The following FAM47C variants were observed in gnomAD, a reference collection of about 807,000 sequenced individuals.
FAM47C encodes the protein putative protein FAM47C.
For missense variants in FAM47C, 847 were observed against 879.9 expected, an observed-to-expected ratio of 0.96 and a Z score of 0.47; for synonymous variants, 307 against 346.5, an observed-to-expected ratio of 0.89 and a Z score of 1.27.
Position 37,008,855 on chromosome X carries a change from G to T in FAM47C, c.445G>T (p.Val149Leu). 8.3e-7 allele frequency: 1 copy of T among 1,212,004 alleles called. No individual in the cohort carries two copies. Among genetic ancestry groups the T allele is most frequent in the Non-Finnish European group, 1.1e-6 (1 of 895,577 alleles). Residue 149 changes from valine (V) to leucine (L), a missense_variant, in exon 1 of 1, where the codon GTA (valine) becomes TTA (leucine). Val to Leu is a conservative substitution (Grantham distance 32, BLOSUM62 1). Transcript: ENST00000358047. The part of the protein sequence containing the change: ...EDMPPDLLLQ[V>L]LKPLDPERKL... ...TATGCCTCCAGATCTCCTACTACAG[G>T]TACTGAAACCGCTGGACCCTGAGAG...
In FAM47C at chrX:37,010,232, C is replaced by T. The variant is rs1556332809; in HGVS notation, c.1822C>T (p.Pro608Ser). 4 of 1,173,773 alleles carry T rather than the reference C, an allele frequency of 3.4e-6. No individual in the cohort carries two copies. The highest frequency in any genetic ancestry group is 3.6e-5 in the South Asian group (2 of 55,239). ...CGAGACTGGAGTGTCCCATCTCTGC[C>T]CGGAGCCTCCAGAGACTCGCGTATC... Reference protein sequence around the residue: ...PPETGVSHLCPEPPETRVSHL... With the variant: ...PPETGVSHLCSEPPETRVSHL... The change falls in exon 1 of 1, where the codon CCG (proline) becomes TCG (serine). Residue 608 changes from proline to serine, a missense_variant. By Grantham distance (74) the Pro-to-Ser change is moderately conservative (BLOSUM62 -1). Transcript: ENST00000358047.
Position 37,009,215 on chromosome X carries a change from C to T in FAM47C, c.805C>T (p.His269Tyr), listed in dbSNP as rs782073736. 6.6e-6 allele frequency: 8 copies of T among 1,207,283 alleles called. No homozygotes were observed. In the African/African-American group the frequency reaches 1.2e-4, roughly 19 times the overall value. The change falls in exon 1 of 1, where the codon CAT (histidine) becomes TAT (tyrosine). Residue 269 changes from histidine (H) to tyrosine (Y), a missense_variant. By Grantham distance (83) the His-to-Tyr change is moderately conservative. Transcript: ENST00000358047. ...HLEPPETGVS[H>Y]LYLEPPGTGV... ...GGAGCCTCCCGAGACTGGAGTGTCC[C>T]ATCTCTACCTGGAGCCTCCTGGGAC...
rs201525254 is a variant in FAM47C at position 37,009,930 on chromosome X, T to C, written c.1520T>C (p.Val507Ala). The C allele has an allele frequency of 1.3e-5, 15 of 1,195,299 alleles. No homozygotes were observed. Among genetic ancestry groups the C allele is most frequent in the Admixed American group, 2.3e-5 (1 of 44,431 alleles). The change falls in exon 1 of 1, where the codon GTA becomes GCA. Residue 507 changes from valine to alanine, a missense_variant. Physicochemically the swap from Val to Ala is moderately conservative, Grantham distance 64. Transcript: ENST00000358047. The stretch of plus-strand genomic sequence containing the variant: ...TGCCCAGAGCCCCCCAAGACACGCG[T>C]ATCTCATCTCCGCCCAGAGCCTTCT... ...HLCPEPPKTR[V>A]SHLRPEPSET... is the part of the protein sequence containing the mutation.
At position 37,009,038 on chromosome X, in the gene FAM47C, C is replaced by G. The variant is rs1298765110; in HGVS notation, c.628C>G (p.Leu210Val). The part of the protein sequence containing the change: ...PEPPKTPVSS[L>V]RPEPPETGVS... ...GCCTCCCAAGACTCCGGTGTCCAGT[C>G]TCCGCCCGGAGCCTCCAGAGACTGG... The change falls in exon 1 of 1, where the codon CTC (leucine) becomes GTC (valine). Residue 210 changes from leucine to valine, a missense_variant. By Grantham distance (32) the Leu-to-Val change is conservative. Coordinates refer to ENST00000358047, the MANE Select transcript of FAM47C (RefSeq NM_001013736.3). 1.7e-6 allele frequency: 2 copies of G among 1,211,502 alleles called. No homozygotes were observed. Among genetic ancestry groups the G allele is most frequent in the Non-Finnish European group, 1.1e-6 (1 of 895,326 alleles).
Position 37,011,459 on chromosome X carries a change from C to G in FAM47C, c.3049C>G (p.Arg1017Gly). 8.3e-7 allele frequency: 1 copy of G among 1,207,953 alleles called. No homozygotes were observed. The highest frequency in any genetic ancestry group is 1.1e-6 in the Non-Finnish European group (1 of 894,001). ...TYDSVKTPIQ[R>G]AMQVYKYKED... Reference sequence around the variant, plus strand: ...TGACTCTGTTAAGACTCCTATTCAACGTGCAATGCAAGTTTACAAGTACAA... The same window carrying G: ...TGACTCTGTTAAGACTCCTATTCAAGGTGCAATGCAAGTTTACAAGTACAA... The change falls in exon 1 of 1, where the codon CGT becomes GGT. Residue 1017 changes from arginine to glycine, a missense_variant. Coordinates refer to ENST00000358047, the MANE Select transcript of FAM47C (RefSeq NM_001013736.3).
Position 37,009,170 on chromosome X carries a change from C to T in FAM47C, c.760C>T (p.Gln254Ter). 7.4e-6 allele frequency: 9 copies of T among 1,208,635 alleles called. No homozygotes were observed. Among genetic ancestry groups the T allele is most frequent in the Non-Finnish European group, 1.0e-5 (9 of 894,398 alleles). The change falls in exon 1 of 1, where the codon CAG becomes TAG. Residue 254 changes from glutamine (Q) to a stop codon, truncating the protein, a stop_gained. Transcript: ENST00000358047. LOFTEE classifies it low-confidence loss of function (END_TRUNC). Reference sequence around the variant, plus strand: ...TCTCCGCCCAGAGCCTCCCAAGACTCAGGTGTCCAGTCTCCACCTGGAGCC... The same window carrying T: ...TCTCCGCCCAGAGCCTCCCAAGACTTAGGTGTCCAGTCTCCACCTGGAGCC... ...SHLRPEPPKTQVSSLHLEPPE... is the reference protein window; with the variant it reads ...SHLRPEPPKT
Position 37,009,369 on chromosome X carries a change from C to T in FAM47C, c.959C>T (p.Pro320Leu). 8.3e-7 allele frequency: 1 copy of T among 1,205,216 alleles called. No homozygotes were observed. Among genetic ancestry groups the T allele is most frequent in the Admixed American group, 2.2e-5 (1 of 45,332 alleles). ...PPKSRVSHLRPEPSETGVSHL... is the reference protein window; with the variant it reads ...PPKSRVSHLRLEPSETGVSHL... ...AAGTCACGCGTATCTCATCTCCGCC[C>T]AGAGCCTTCTGAGACTGGAGTGTCC... The change falls in exon 1 of 1, where the codon CCA becomes CTA. Residue 320 changes from proline to leucine, a missense_variant. Coordinates refer to ENST00000358047, the MANE Select transcript of FAM47C (RefSeq NM_001013736.3).
chrX:37,009,045 C>T lies in FAM47C; in HGVS notation c.635C>T (p.Pro212Leu), dbSNP rs781874205. The T allele has an allele frequency of 4.1e-6, 5 of 1,207,894 alleles. No individual in the cohort carries two copies. Among genetic ancestry groups the T allele is most frequent in the Admixed American group, 2.2e-5 (1 of 45,717 alleles). The part of the protein sequence containing the change: ...PPKTPVSSLR[P>L]EPPETGVSHL... Reference sequence around the variant, plus strand: ...AAGACTCCGGTGTCCAGTCTCCGCCCGGAGCCTCCAGAGACTGGAGTGTCC... The same window carrying T: ...AAGACTCCGGTGTCCAGTCTCCGCCTGGAGCCTCCAGAGACTGGAGTGTCC... Residue 212 changes from proline to leucine, a missense_variant, in exon 1 of 1, where the codon CCG becomes CTG. Pro to Leu is a moderately conservative substitution (Grantham distance 98). Coordinates refer to ENST00000358047, the MANE Select transcript of FAM47C (RefSeq NM_001013736.3).
At position 37,010,791 on chromosome X, in the gene FAM47C, G is replaced by T; in HGVS notation, c.2381G>T (p.Arg794Leu). The change falls in exon 1 of 1, where the codon CGT becomes CTT. Residue 794 changes from arginine (R) to leucine (L), a missense_variant. Arg to Leu is a moderately radical substitution (Grantham distance 102). Transcript: ENST00000358047. ...CTCCACCTGGAGCCTCCCAAGACTC[G>T]TCGAGTGTCCAGTCTCCGCCTGGAG... ...SSLHLEPPKT[R>L]RVSSLRLEPP... is the part of the protein sequence containing the mutation. 8.3e-7 allele frequency: 1 copy of T among 1,208,033 alleles called. No homozygotes were observed. Among genetic ancestry groups the T allele is most frequent in the Non-Finnish European group, 1.1e-6 (1 of 894,043 alleles).
At position 37,008,965 on chromosome X, in the gene FAM47C, A is replaced by G; in HGVS notation, c.555A>G (p.Glu185=). 9 of 1,211,426 alleles carry G rather than the reference A, an allele frequency of 7.4e-6. No homozygotes were observed. Among genetic ancestry groups the G allele is most frequent in the Non-Finnish European group, 1.0e-5 (9 of 895,253 alleles). Residue 185 remains glutamate (E), a synonymous_variant, in exon 1 of 1, where the codon GAA becomes GAG. Transcript: ENST00000358047. The part of the protein sequence containing the change: ...PTEPGKYPCG[E]FSPRPPETRV... Reference sequence around the variant, plus strand: ...AGCCTGGTAAATACCCCTGTGGGGAATTCTCCCCTCGGCCTCCCGAGACTC... The same window carrying G: ...AGCCTGGTAAATACCCCTGTGGGGAGTTCTCCCCTCGGCCTCCCGAGACTC...
In FAM47C at chrX:37,010,689, C is replaced by T. The variant is rs61730910; in HGVS notation, c.2279C>T (p.Ser760Phe). ...CCAGAGCCTCTTGAGACTCGCGTAT[C>T]TCATCTCCGCCCGGAGCCTCCTGAG... Reference protein sequence around the residue: ...LRPEPLETRVSHLRPEPPETG... With the variant: ...LRPEPLETRVFHLRPEPPETG... The change falls in exon 1 of 1, where the codon TCT (serine) becomes TTT (phenylalanine). Residue 760 changes from serine to phenylalanine, a missense_variant. Physicochemically the swap from Ser to Phe is radical, Grantham distance 155 (BLOSUM62 -2). Coordinates refer to ENST00000358047, the MANE Select transcript of FAM47C (RefSeq NM_001013736.3). 3 of 1,206,700 alleles carry T rather than the reference C, an allele frequency of 2.5e-6. No individual in the cohort carries two copies. Among genetic ancestry groups the T allele is most frequent in the Non-Finnish European group, 3.4e-6 (3 of 893,899 alleles).
chrX:37,008,860 G>A lies in FAM47C; in HGVS notation c.450G>A (p.Leu150=), dbSNP rs1171930673. Residue 150 remains leucine, a synonymous_variant, in exon 1 of 1, where the codon CTG becomes CTA. Transcript: ENST00000358047. ...CTCCAGATCTCCTACTACAGGTACTGAAACCGCTGGACCCTGAGAGGAAGC... is the reference window on the plus strand; with the variant it reads ...CTCCAGATCTCCTACTACAGGTACTAAAACCGCTGGACCCTGAGAGGAAGC... The part of the protein sequence containing the change: ...DMPPDLLLQV[L]KPLDPERKLE... 4 of 1,210,359 alleles carry A rather than the reference G, an allele frequency of 3.3e-6. No homozygotes were observed. In the African/African-American group the frequency reaches 7.0e-5, roughly 21 times the overall value.
Position 37,011,244 on chromosome X carries a change from C to T in FAM47C, c.2834C>T (p.Pro945Leu), listed in dbSNP as rs1258444883. ...KMGYGAWYLK[P>L]KLGKKLRSDE... is the part of the protein sequence containing the mutation. ...GGGTATGGAGCATGGTACCTCAAGCCTAAGTTGGGGAAAAAGCTAAGAAGT... is the reference window on the plus strand; with the variant it reads ...GGGTATGGAGCATGGTACCTCAAGCTTAAGTTGGGGAAAAAGCTAAGAAGT... Residue 945 changes from proline to leucine, a missense_variant, in exon 1 of 1, where the codon CCT becomes CTT. Pro to Leu is a moderately conservative substitution (Grantham distance 98). Coordinates refer to ENST00000358047, the MANE Select transcript of FAM47C (RefSeq NM_001013736.3). 1.7e-6 allele frequency: 2 copies of T among 1,210,949 alleles called. No homozygotes were observed.
Position 37,011,216 on chromosome X carries a change from A to T in FAM47C, c.2806A>T (p.Met936Leu), listed in dbSNP as rs1556333400. Residue 936 changes from methionine to leucine, a missense_variant, in exon 1 of 1, where the codon ATG (methionine) becomes TTG (leucine). Transcript: ENST00000358047. ...PNSHSAQHVK[M>L]GYGAWYLKPK... is the part of the protein sequence containing the mutation. ...TTCTCATAGTGCACAGCATGTGAAG[A>T]TGGGGTATGGAGCATGGTACCTCAA... 8.3e-7 allele frequency: 1 copy of T among 1,211,354 alleles called. No homozygotes were observed. Among genetic ancestry groups the T allele is most frequent in the South Asian group, 1.8e-5 (1 of 56,813 alleles).
At position 37,011,186 on chromosome X, in the gene FAM47C, C is replaced by T; in HGVS notation, c.2776C>T (p.Pro926Ser). 1 of 1,210,644 alleles carries T rather than the reference C, an allele frequency of 8.3e-7. No individual in the cohort carries two copies. The highest frequency in any genetic ancestry group is 1.1e-6 in the Non-Finnish European group (1 of 895,048). Residue 926 changes from proline (P) to serine (S), a missense_variant, in exon 1 of 1, where the codon CCA becomes TCA. Pro to Ser is a moderately conservative substitution (Grantham distance 74). Transcript: ENST00000358047. ...KDLDGKIQNA[P>S]NSHSAQHVKM... The stretch of plus-strand genomic sequence containing the variant: ...CTTGGACGGGAAAATCCAGAATGCA[C>T]CAAATTCTCATAGTGCACAGCATGT...
In FAM47C at chrX:37,008,565, C is replaced by A. The variant is rs370862889; in HGVS notation, c.155C>A (p.Thr52Lys). 10 of 1,211,444 alleles carry A rather than the reference C, an allele frequency of 8.3e-6. No individual in the cohort carries two copies. The highest frequency in any genetic ancestry group is 2.2e-5 in the Admixed American group (1 of 46,027). ...GACACCCAGAACTGGGTATTTGTGA[C>A]GGAGGGCATGGACGACTTCCGCTAC... ...PVDTQNWVFV[T>K]EGMDDFRYGC... is the part of the protein sequence containing the mutation. The change falls in exon 1 of 1, where the codon ACG becomes AAG. Residue 52 changes from threonine (T) to lysine (K), a missense_variant. By Grantham distance (78) the Thr-to-Lys change is moderately conservative. Transcript: ENST00000358047.
At position 37,009,735 on chromosome X, in the gene FAM47C, C is replaced by T. The variant is rs1359456293; in HGVS notation, c.1325C>T (p.Pro442Leu). ...KTRGSHLRPEPPETGVSHLRP... is the reference protein window; with the variant it reads ...KTRGSHLRPELPETGVSHLRP... The stretch of plus-strand genomic sequence containing the variant: ...CGCGGATCTCATCTCCGCCCGGAAC[C>T]TCCTGAGACTGGAGTGTCCCATCTC... Residue 442 changes from proline to leucine, a missense_variant, in exon 1 of 1, where the codon CCT (proline) becomes CTT (leucine). Transcript: ENST00000358047. 5.8e-6 allele frequency: 7 copies of T among 1,206,645 alleles called. No individual in the cohort carries two copies. The highest frequency in any genetic ancestry group is 7.8e-6 in the Non-Finnish European group (7 of 893,966).
In FAM47C at chrX:37,010,368, A is replaced by G. The variant is rs1927755719; in HGVS notation, c.1958A>G (p.His653Arg). 8 of 1,165,585 alleles carry G rather than the reference A, an allele frequency of 6.9e-6. No homozygotes were observed. The highest frequency in any genetic ancestry group is 2.4e-5 in the Admixed American group (1 of 40,866). The part of the protein sequence containing the change: ...RPEPPNTGVS[H>R]LCPEPPKTRV... ...GAGCCTCCCAATACTGGAGTGTCCC[A>G]TCTCTGCCCAGAGCCTCCCAAGACT... Residue 653 changes from histidine (H) to arginine (R), a missense_variant, in exon 1 of 1, where the codon CAT becomes CGT. Physicochemically the swap from His to Arg is conservative, Grantham distance 29. Transcript: ENST00000358047.
In FAM47C at chrX:37,009,570, T is replaced by A; in HGVS notation, c.1160T>A (p.Val387Glu). 2.5e-6 allele frequency: 3 copies of A among 1,207,679 alleles called. No homozygotes were observed. The highest frequency in any genetic ancestry group is 3.4e-6 in the Non-Finnish European group (3 of 894,380). The change falls in exon 1 of 1, where the codon GTA becomes GAA. Residue 387 changes from valine (V) to glutamate (E), a missense_variant. Coordinates refer to ENST00000358047, the MANE Select transcript of FAM47C (RefSeq NM_001013736.3). ...TGCCCGGAACCTCCCAAGACTCGCG[T>A]ACCTCCTCTCCGCCCAGAGACCCCC... ...HLCPEPPKTR[V>E]PPLRPETPKN...
Sources: allele counts gnomAD v4.1 joint callset, GRCh38; gene constraint gnomAD v4.1.1; transcripts MANE v1.5; gene names NCBI Gene and HGNC (gene_info 2026-07-23, HGNC 2026-07-21).